PRPF38A: variants seen among roughly 807,000 people sequenced by gnomAD.
PRPF38A encodes the protein pre-mRNA-splicing factor 38A.
Under a neutral mutation model 46.8 loss-of-function variants are expected in PRPF38A, and 11 were observed. The observed-to-expected ratio is 0.24, with a 90% CI of 0.15 to 0.39. The LOEUF is 0.39. Among genes scored for constraint, PRPF38A ranks in the 10% least tolerant of loss-of-function variants. PRPF38A has a pLI of 1.00. For synonymous variants in PRPF38A, 124 were observed against 136.2 expected (o/e 0.91, Z 0.62); for missense variants, 261 against 407.5 (o/e 0.64, Z 3.10).
Position 52,419,154 on chromosome 1 carries a change from G to C in PRPF38A, c.*2464G>C, listed in dbSNP as rs1213442003. Reference sequence around the variant, plus strand: ...GCAGATCACCTGAGGTCGGGAGTTTGAGACCAGCCTGGCCAACATGGAGAA... The same window carrying C: ...GCAGATCACCTGAGGTCGGGAGTTTCAGACCAGCCTGGCCAACATGGAGAA... On this transcript the variant is annotated 3_prime_UTR_variant, in exon 10 of 10. Coordinates refer to ENST00000257181, the MANE Select transcript of PRPF38A (RefSeq NM_032864.4). The C allele has an allele frequency of 6.6e-6, 1 of 152,230 alleles. No homozygotes were observed. Among genetic ancestry groups the C allele is most frequent in the Non-Finnish European group, 1.5e-5 (1 of 68,082 alleles). 9.4% of individuals were successfully genotyped at this position (152,230 alleles called of 1,614,324 possible). A position where few individuals can be genotyped will look rare whatever the true frequency, so the allele number is the denominator to read the frequency against.
rs1648316148 is a variant in PRPF38A, at chr1:52,417,123, T to C, written c.*433T>C. 6.3e-6 allele frequency: 1 copy of C among 157,566 alleles called. No homozygotes were observed. The highest frequency in any genetic ancestry group is 2.4e-5 in the African/African-American group (1 of 41,558). 9.8% of individuals were successfully genotyped at this position (157,566 alleles called of 1,614,324 possible). A position where few individuals can be genotyped will look rare whatever the true frequency, so the allele number is the denominator to read the frequency against. On this transcript the variant is annotated 3_prime_UTR_variant, in exon 10 of 10. Transcript: ENST00000257181. ...ATTCAAAGATCAAAGGAGTAAAACA[T>C]AGTTGCTCCTAACTTTTTTCCAGCA...
chr1:52,415,517 C>A, intron 9 of PRPF38A, 131 bp downstream of exon 9: 1 of 697,614 alleles, frequency 1.4e-6, no homozygotes, highest in South Asian at 1.8e-5. Context: ...TGGTCTATTG[C>A]TTTGAGAATT....
chr1:52,416,941 G>A lies in PRPF38A; in HGVS notation c.*251G>A, dbSNP rs1221126013. On this transcript the variant is annotated 3_prime_UTR_variant, in exon 10 of 10. Coordinates refer to ENST00000257181, the MANE Select transcript of PRPF38A (RefSeq NM_032864.4). ...TGAGAGTATAAAGGATCTGGAGGTT[G>A]GGGATATGACTGACAAGGAAAGGCT... 6 of 461,464 alleles carry A rather than the reference G, an allele frequency of 1.3e-5. No homozygotes were observed. The highest frequency in any genetic ancestry group is 5.9e-5 in the African/African-American group (3 of 50,806). The allele number at this position is 461,464 out of a possible 1,614,324, so 28.6% of individuals were successfully genotyped here.
intron 2 of PRPF38A, among the ~76,000 whole-genome samples, chr1:52,407,418 G>A (rs1422099434): frequency 6.6e-6 from 1 of 152,040 alleles, no homozygotes; most frequent in African/African-American, 2.4e-5. Context: ...TGCATTTCTT[G>A]TTTATATACC....
At chr1:52,405,023 TA>T in intron 1 of PRPF38A, 144 bp downstream of exon 1, 1 of 855,318 alleles carries the variant, frequency 1.2e-6, no homozygotes, top group East Asian at 2.5e-5. Context: ...GAGTGCCTGC[TA>T]AGTGCCTCGT....
intron 3 of PRPF38A, 29 bp from the exon 4 acceptor site, chr1:52,411,085 GT>G: frequency 6.5e-7 from 1 of 1,529,756 alleles, no homozygotes; most frequent in Non-Finnish European, 9.0e-7. Flanking sequence ...TTATTTCCAG[GT>G]TGTTTGCTCT....
At chr1:52,414,572 C>G (rs772094880) in intron 6 of PRPF38A, 49 bp from the exon 7 acceptor site, 1 of 1,608,100 alleles carries the variant, frequency 6.2e-7, no homozygotes, top group Admixed American at 1.7e-5. Context: ...TGCAATCTAC[C>G]ACATCCAGTG....
intron 3 of PRPF38A, 149 bp from the exon 4 acceptor site, chr1:52,410,966 T>C: frequency 1.7e-6 from 1 of 604,192 alleles, no homozygotes; most frequent in South Asian, 2.1e-5. Flanking sequence ...TGTCTCCTGC[T>C]AATTGGGACA....
At chr1:52,409,591 CAG>C (rs752790814) in intron 3 of PRPF38A, 1 of 152,086 alleles carries the variant, frequency 6.6e-6, no homozygotes, top group Non-Finnish European at 1.5e-5. Flanking sequence ...GCCTGGGCGA[CAG>C]AGCAAGACTC....
At chr1:52,408,417 C>A in intron 2 of PRPF38A, 152 bp from the exon 3 acceptor site, 1 of 1,010,262 alleles carries the variant, frequency 9.9e-7, no homozygotes, top group Non-Finnish European at 1.5e-6. Context: ...TTTTAGCTGT[C>A]TTTCTTCTGC....
rs2147962108 is a variant in PRPF38A at position 52,419,883 on chromosome 1, A to G, written c.*3193A>G. Reference sequence around the variant, plus strand: ...GGCTAACACAGTGAAACCCGTCTCTACTAAAAATACAAAAAATTAGCTGGG... The same window carrying G: ...GGCTAACACAGTGAAACCCGTCTCTGCTAAAAATACAAAAAATTAGCTGGG... On this transcript the variant is annotated 3_prime_UTR_variant, in exon 10 of 10. Coordinates refer to ENST00000257181, the MANE Select transcript of PRPF38A (RefSeq NM_032864.4). The G allele has an allele frequency of 6.6e-6, 1 of 152,338 alleles. No individual in the cohort carries two copies. Among genetic ancestry groups the G allele is most frequent in the Non-Finnish European group, 1.5e-5 (1 of 68,084 alleles). 9.4% of individuals were successfully genotyped at this position (152,338 alleles called of 1,614,324 possible).
chr1:52,414,568 C>A, intron 6 of PRPF38A, 53 bp from the exon 7 acceptor site: 1 of 1,604,090 alleles, frequency 6.2e-7, no homozygotes, highest in Non-Finnish European at 8.5e-7. Context: ...TTTTTGCAAT[C>A]TACCACATCC....
intron 3 of PRPF38A, among the ~76,000 whole-genome samples, chr1:52,410,896 T>C (rs144351688): frequency 3.9e-5 from 6 of 152,364 alleles, no homozygotes; most frequent in Non-Finnish European, 7.3e-5. Context: ...ATTTAAGTTA[T>C]ATGATCTCTT....
In PRPF38A at chr1:52,416,772, G is replaced by A. The variant is rs1475563338; in HGVS notation, c.*82G>A. On this transcript the variant is annotated 3_prime_UTR_variant, in exon 10 of 10. Transcript: ENST00000257181. The stretch of plus-strand genomic sequence containing the variant: ...TGTGGAAGGATTAAGATCTCCCCCA[G>A]GCAGCTATAAGAATATTTTAGTTTT... 9.5e-7 allele frequency: 1 copy of A among 1,047,242 alleles called. No individual in the cohort carries two copies. Among genetic ancestry groups the A allele is most frequent in the South Asian group, 1.3e-5 (1 of 78,138 alleles). The allele number at this position is 1,047,242 out of a possible 1,614,324, so 64.9% of individuals were successfully genotyped here. A position where few individuals can be genotyped will look rare whatever the true frequency, so the allele number is the denominator to read the frequency against.
chr1:52,408,886 C>A, intron 3 of PRPF38A, 196 bp downstream of exon 3: 1 of 533,004 alleles, frequency 1.9e-6, no homozygotes, highest in Non-Finnish European at 3.2e-6. Context: ...CCTTACCCAG[C>A]CTGCCTCTGT....
At chr1:52,408,731 C>T in intron 3 of PRPF38A, 41 bp downstream of exon 3, 2 of 1,606,694 alleles carry the variant, frequency 1.2e-6, no homozygotes, top group South Asian at 1.1e-5. Flanking sequence ...ATTTTTAAGC[C>T]AGTTTTTATT....
At chr1:52,412,480 C>A in intron 4 of PRPF38A, 34 bp from the exon 5 acceptor site, 1 of 1,496,560 alleles carries the variant, frequency 6.7e-7, no homozygotes, top group Non-Finnish European at 9.2e-7. Context: ...GGGGAAATGG[C>A]AACAACCCCT....
intron 4 of PRPF38A, 128 bp downstream of exon 4, chr1:52,411,328 C>T: frequency 1.6e-6 from 1 of 639,698 alleles, no homozygotes; most frequent in Non-Finnish European, 2.7e-6. Context: ...AATAGTCTTC[C>T]TGTCTGGGAG....
In PRPF38A at chr1:52,416,943, G is replaced by A; in HGVS notation, c.*253G>A. 2.2e-6 allele frequency: 1 copy of A among 445,698 alleles called. No individual in the cohort carries two copies. Among genetic ancestry groups the A allele is most frequent in the Non-Finnish European group, 4.1e-6 (1 of 244,798 alleles). 27.6% of individuals were successfully genotyped at this position (445,698 alleles called of 1,614,324 possible). Reference sequence around the variant, plus strand: ...AGAGTATAAAGGATCTGGAGGTTGGGGATATGACTGACAAGGAAAGGCTGT... The same window carrying A: ...AGAGTATAAAGGATCTGGAGGTTGGAGATATGACTGACAAGGAAAGGCTGT... On this transcript the variant is annotated 3_prime_UTR_variant, in exon 10 of 10. Transcript: ENST00000257181.
Sources: gnomAD v4.1 joint callset for allele counts (sites outside exome capture counted in the v4.1 genomes callset) on GRCh38, gnomAD v4.1.1 for gene constraint, MANE v1.5 for transcripts, NCBI Gene and HGNC (gene_info 2026-07-23, HGNC 2026-07-21) for gene names.